TMBIM1: variants seen among roughly 807,000 people sequenced by gnomAD.
The protein encoded by TMBIM1 is protein lifeguard 3.
Under a neutral mutation model 45.1 loss-of-function variants are expected in TMBIM1, and 34 were observed. The observed-to-expected ratio is 0.75, with a 90% CI of 0.57 to 1.00. The LOEUF is 1.00. Ranked by LOEUF, TMBIM1 falls within the 50% of genes least tolerant of loss-of-function variation. The pLI is 0.00. For synonymous variants in TMBIM1, 157 were observed against 153.5 expected (o/e 1.02, Z -0.17); for missense variants, 374 against 402.4 (o/e 0.93, Z 0.60).
At position 218,281,957 on chromosome 2, in the gene TMBIM1, G is replaced by A. The variant is rs779972756; in HGVS notation, c.185C>T (p.Pro62Leu). 1.2e-5 allele frequency: 19 copies of A among 1,599,612 alleles called. No homozygotes were observed. The highest frequency in any genetic ancestry group is 6.8e-5 in the Admixed American group (4 of 58,422). ...GYPQPMPPTH[P>L]MPMNYGPGHG... ...GGACTCACCGTAGTTCATGGGCATC[G>A]GGTGGGTGGGGGGCATGGGCTGTGG... Residue 62 changes from proline to leucine, a missense_variant, in exon 2 of 12, where the codon CCG (proline) becomes CTG (leucine). Physicochemically the swap from Pro to Leu is moderately conservative, Grantham distance 98. Coordinates refer to ENST00000258412, the MANE Select transcript of TMBIM1 (RefSeq NM_022152.6).
intron 1 of TMBIM1, 54 bp from the exon 2 acceptor site, chr2:218,282,235 G>A (rs1692097900): frequency 4.8e-6 from 5 of 1,047,462 alleles, no homozygotes; most frequent in Non-Finnish European, 6.6e-6. Flanking sequence ...AGCTCACTCA[G>A]CCTCATGGGC....
intron 2 of TMBIM1, 78 bp downstream of exon 2, chr2:218,281,862 G>A: frequency 7.3e-6 from 8 of 1,103,298 alleles, no homozygotes; most frequent in Non-Finnish European, 1.1e-5. Context: ...GAAGAGAAAA[G>A]GGGCAGGAGG....
chr2:218,279,133 G>T (rs980685541), intron 4 of TMBIM1, 42 bp from the exon 5 acceptor site: 12 of 1,612,702 alleles, frequency 7.4e-6, no homozygotes, highest in Non-Finnish European at 8.5e-6. Context: ...CCTGAGGCTT[G>T]TCTGCCCCAC....
At position 218,279,111 on chromosome 2, in the gene TMBIM1, A is replaced by G. The variant is rs778268916; in HGVS notation, c.369-20T>C. 1.9e-6 allele frequency: 3 copies of G among 1,613,970 alleles called. No individual in the cohort carries two copies. The East Asian group carries it at 6.7e-5, about 36-fold the overall frequency. On this transcript the variant is annotated intron_variant, in intron 4 of 11. Transcript: ENST00000258412. ...GGTTCCCTGTGGGGCACAGGAGGAC[A>G]GGAGTAGTCACCCTGAGGCTTGTCT... is the stretch of plus-strand genomic sequence containing the variant.
At chr2:218,275,913 G>T in intron 11 of TMBIM1, 113 bp downstream of exon 11, 2 of 1,261,354 alleles carry the variant, frequency 1.6e-6, no homozygotes, top group Non-Finnish European at 2.2e-6. Flanking sequence ...GAGAGGAATG[G>T]CCTGCTATGG....
In TMBIM1 at chr2:218,277,052, C is replaced by G. The variant is rs1371552477; in HGVS notation, c.687G>C (p.Val229=). The change falls in exon 10 of 12, where the codon GTG becomes GTC. Residue 229 remains valine, a synonymous_variant. Coordinates refer to ENST00000258412, the MANE Select transcript of TMBIM1 (RefSeq NM_022152.6). ...CTGLFCVLGI[V]LLVTGIVTSI... ...TAGTGACAATCCCAGTCACCAGGAGCACAATTCCCAGGACACAGAAGAGGC... is the reference window on the plus strand; with the variant it reads ...TAGTGACAATCCCAGTCACCAGGAGGACAATTCCCAGGACACAGAAGAGGC... 1 of 1,614,184 alleles carries G rather than the reference C, an allele frequency of 6.2e-7. No homozygotes were observed. Among genetic ancestry groups the G allele is most frequent in the Non-Finnish European group, 8.5e-7 (1 of 1,180,018 alleles).
chr2:218,280,014 C>A lies in TMBIM1; in HGVS notation c.303+12G>T, dbSNP rs776647484. 1 of 1,611,862 alleles carries A rather than the reference C, an allele frequency of 6.2e-7. No individual in the cohort carries two copies. Among genetic ancestry groups the A allele is most frequent in the Non-Finnish European group, 8.5e-7 (1 of 1,177,920 alleles). ...GGCCCCAGGTACACCCACCTCCCAG[C>A]GCGTATCTTACCTTTCGGATAAAAG... On this transcript the variant is annotated intron_variant, in intron 3 of 11. Transcript: ENST00000258412.
Position 218,279,335 on chromosome 2 carries a change from C to T in TMBIM1, c.322G>A (p.Val108Met), listed in dbSNP as rs778184331. 46 of 1,586,264 alleles carry T rather than the reference C, an allele frequency of 2.9e-5. No individual in the cohort carries two copies. The highest frequency in any genetic ancestry group is 8.1e-5 in the South Asian group (7 of 86,902). Reference protein sequence around the residue: ...FIRKVYSIISVQLLITVAIIA... With the variant: ...FIRKVYSIISMQLLITVAIIA... ...ATGGCCACAGTGATGAGCAGCTGCACGGAGATGATGGAGTAAACCTGGACA... is the reference window on the plus strand; with the variant it reads ...ATGGCCACAGTGATGAGCAGCTGCATGGAGATGATGGAGTAAACCTGGACA... Residue 108 changes from valine (V) to methionine (M), a missense_variant, in exon 4 of 12, where the codon GTG becomes ATG. Val to Met is a conservative substitution (Grantham distance 21, BLOSUM62 1). Transcript: ENST00000258412.
chr2:218,281,845 G>T, intron 2 of TMBIM1, 95 bp downstream of exon 2: 1 of 980,414 alleles, frequency 1.0e-6, no homozygotes, highest in South Asian at 1.4e-5. Flanking sequence ...GGATTTAAGG[G>T]AAACTAGAAG....
chr2:218,282,217 C>G, intron 1 of TMBIM1, 36 bp from the exon 2 acceptor site: 2 of 1,240,122 alleles, frequency 1.6e-6, no homozygotes, highest in Non-Finnish European at 2.2e-6. Flanking sequence ...TCGTGAATGC[C>G]CAGGCCCAGC....
At chr2:218,282,464 C>A (rs145172970) in intron 1 of TMBIM1, among the ~76,000 whole-genome samples, 15 of 152,356 alleles carry the variant, frequency 9.8e-5, no homozygotes, top group Non-Finnish European at 1.9e-4. Flanking sequence ...AGAGAGGGAA[C>A]CAGGGAGCCT....
chr2:218,279,346 G>C lies in TMBIM1; in HGVS notation c.311C>G (p.Ser104Cys). Residue 104 changes from serine (S) to cysteine (C), a missense_variant, in exon 4 of 12, where the codon TCC becomes TGC. Transcript: ENST00000258412. ...VRHTFIRKVYSIISVQLLITV... is the reference protein window; with the variant it reads ...VRHTFIRKVYCIISVQLLITV... ...GATGAGCAGCTGCACGGAGATGATG[G>C]AGTAAACCTGGACACAGACGGCCGG... The C allele has an allele frequency of 1.3e-6, 2 of 1,578,990 alleles. No homozygotes were observed. The highest frequency in any genetic ancestry group is 1.7e-6 in the Non-Finnish European group (2 of 1,163,062).
At chr2:218,291,049 G>A (rs1331329501) in intron 1 of TMBIM1, among the ~76,000 whole-genome samples, 2 of 152,178 alleles carry the variant, frequency 1.3e-5, no homozygotes, top group African/African-American at 4.8e-5. Context: ...GCGGTTGGAG[G>A]TGCTCTGAGG....
At chr2:218,278,243 C>G (rs1691454385) in intron 6 of TMBIM1, 1 of 604,304 alleles carries the variant, frequency 1.7e-6, no homozygotes, top group East Asian at 2.8e-5. Flanking sequence ...GAGAAAGTTA[C>G]TCAGCCTCTT....
rs1259945282 is a variant in TMBIM1, at chr2:218,276,091, G to A, written c.736-12C>T. The A allele has an allele frequency of 6.2e-7, 1 of 1,612,164 alleles. No individual in the cohort carries two copies. The highest frequency in any genetic ancestry group is 8.5e-7 in the Non-Finnish European group (1 of 1,179,292). ...TGGAGCCAGTAAACCTGGAGAAGAA[G>A]GGGACAGAGAATGGCATTAGAAACC... is the stretch of plus-strand genomic sequence containing the variant. On this transcript the variant is annotated splice_polypyrimidine_tract_variant and intron_variant, in intron 10 of 11. Transcript: ENST00000258412.
intron 1 of TMBIM1, among the ~76,000 whole-genome samples, chr2:218,284,668 C>A (rs962310194): frequency 4.6e-5 from 7 of 152,218 alleles, no homozygotes; most frequent in South Asian, 2.1e-4. Flanking sequence ...CCTCAGCCAC[C>A]AGCCCATCCA....
At chr2:218,281,311 A>G (rs1474114887) in intron 2 of TMBIM1, among the ~76,000 whole-genome samples, 1 of 150,724 alleles carries the variant, frequency 6.6e-6, no homozygotes, top group Non-Finnish European at 1.5e-5. Context: ...AAGTTTTTGT[A>G]TTTTTAGTGG....
intron 3 of TMBIM1, among the ~76,000 whole-genome samples, 195 bp downstream of exon 3, chr2:218,279,829 AAG>A (rs1371001907): frequency 7.4e-6 from 1 of 135,698 alleles, no homozygotes; most frequent in Non-Finnish European, 1.7e-5. Context: ...CATGGTCAAG[AAG>A]AGAGGTGCAA....
chr2:218,289,818 G>C (rs1029199637), intron 1 of TMBIM1: 2 of 152,136 alleles, frequency 1.3e-5, no homozygotes, highest in Non-Finnish European at 2.9e-5. Context: ...CATGTTCTCA[G>C]TATGGGGCTG....
Sources: gnomAD v4.1 joint callset for allele counts (sites outside exome capture counted in the v4.1 genomes callset) on GRCh38, gnomAD v4.1.1 for gene constraint, MANE v1.5 for transcripts, NCBI Gene and HGNC (gene_info 2026-07-23, HGNC 2026-07-21) for gene names.